The following ACTMAP variants were observed in gnomAD, a reference collection of about 807,000 sequenced individuals.
ACTMAP encodes actin maturation protease, also known as UPF0692 protein C19orf54.
At chr19:40,749,827 A>G in the ACTMAP span, 2 of 1,398,720 alleles carry the variant, frequency 1.4e-6, no homozygotes, top group Admixed American at 6.3e-5. Context: ...GGAGGTGTTG[A>G]GAGGTTCAGA....
the ACTMAP span, among the ~76,000 whole-genome samples, chr19:40,747,797 T>C: frequency 7.2e-5 from 11 of 151,856 alleles, no homozygotes; most frequent in African/African-American, 2.7e-4. Context: ...GCCTGGGAGG[T>C]TGGGGCTGCA....
the ACTMAP span, among the ~76,000 whole-genome samples, chr19:40,748,752 T>C: frequency 6.6e-6 from 1 of 152,198 alleles, no homozygotes; most frequent in Non-Finnish European, 1.5e-5. Flanking sequence ...GAATAGAACA[T>C]GTCCTCATTT....
chr19:40,742,625 C>T, the ACTMAP span: 1 of 1,612,650 alleles, frequency 6.2e-7, no homozygotes, highest in Non-Finnish European at 8.5e-7. Context: ...CCTGCTTGGA[C>T]AGCAGGTAGA....
chr19:40,741,414 G>T, the ACTMAP span: 1 of 231,930 alleles, frequency 4.3e-6, no homozygotes. Context: ...CCGCACTCCA[G>T]CCTGGACGAC....
chr19:40,749,413 C>CA, the ACTMAP span: 1 of 1,430,028 alleles, frequency 7.0e-7, no homozygotes, highest in Non-Finnish European at 9.4e-7. Context: ...AACCCCCCCC[C>CA]CACCCCAAGA....
chr19:40,749,404 A>ACCC, the ACTMAP span: 1,491 of 1,173,264 alleles, frequency 1.3e-3, 1 homozygote, highest in Admixed American at 2.9e-3. Context: ...GGACACGGGA[A>ACCC]CCCCCCCCCC....
chr19:40,747,592 C>T, the ACTMAP span, among the ~76,000 whole-genome samples: 4 of 152,128 alleles, frequency 2.6e-5, no homozygotes, highest in East Asian at 1.9e-4. Context: ...CGGTGGCTAA[C>T]GCCTGTAATT....
the ACTMAP span, chr19:40,749,668 A>G: frequency 4.5e-6 from 7 of 1,539,690 alleles, no homozygotes; most frequent in Admixed American, 1.1e-4. Context: ...TGCTGACTCC[A>G]GGGAGGGGAT....
At chr19:40,743,531 C>T in the ACTMAP span, among the ~76,000 whole-genome samples, 1 of 152,140 alleles carries the variant, frequency 6.6e-6, no homozygotes, top group South Asian at 2.1e-4. Flanking sequence ...CCGCGCCTGG[C>T]CAAGCCTTGT....
the ACTMAP span, among the ~76,000 whole-genome samples, chr19:40,747,724 G>A: frequency 6.6e-6 from 1 of 151,966 alleles, no homozygotes; most frequent in African/African-American, 2.4e-5. Flanking sequence ...AAACTAGCCG[G>A]GCATGGTGGC....
chr19:40,749,386 G>C, the ACTMAP span: 1 of 1,281,564 alleles, frequency 7.8e-7, no homozygotes, highest in Non-Finnish European at 1.1e-6. Context: ...CAGCCTGTTT[G>C]ATCTTGAGGA....
At chr19:40,745,471 A>T in the ACTMAP span, among the ~76,000 whole-genome samples, 1 of 152,140 alleles carries the variant, frequency 6.6e-6, no homozygotes, top group Non-Finnish European at 1.5e-5. Context: ...GCACTTTGCA[A>T]CCAGGTTTAT....
At chr19:40,742,807 G>A in the ACTMAP span, 2 of 1,559,416 alleles carry the variant, frequency 1.3e-6, no homozygotes, top group Non-Finnish European at 1.7e-6. Context: ...GGCAGTGACT[G>A]AGCCAGGACC....
At chr19:40,742,518 C>T in the ACTMAP span, 65 of 1,547,266 alleles carry the variant, frequency 4.2e-5, no homozygotes, top group South Asian at 1.6e-4. Context: ...CACGTACACC[C>T]GGCCGTCAGT....
chr19:40,744,159 GC>G, the ACTMAP span: 1 of 1,605,520 alleles, frequency 6.2e-7, no homozygotes, highest in Non-Finnish European at 8.5e-7. Flanking sequence ...TGGCCTGGCA[GC>G]CCAGCACCTC....
the ACTMAP span, among the ~76,000 whole-genome samples, chr19:40,743,544 TA>T: frequency 1.3e-5 from 2 of 152,170 alleles, no homozygotes; most frequent in African/African-American, 4.8e-5. Flanking sequence ...AGCCTTGTTC[TA>T]AGAGTGCTGA....
chr19:40,740,875 T>C, the ACTMAP span: 2 of 398,080 alleles, frequency 5.0e-6, no homozygotes, highest in African/African-American at 4.1e-5. Context: ...GTAGAGCTTT[T>C]TATTTTGCAT....
chr19:40,744,156 G>A, the ACTMAP span: 3 of 1,605,966 alleles, frequency 1.9e-6, no homozygotes, highest in Non-Finnish European at 2.5e-6. Context: ...GCTTGGCCTG[G>A]CAGCCCAGCA....
chr19:40,744,438 C>T, the ACTMAP span: 1 of 1,489,034 alleles, frequency 6.7e-7, no homozygotes, highest in African/African-American at 1.4e-5. Context: ...CTCTACTGGG[C>T]AGTGGGAAGG....
Sources: gnomAD v4.1 joint callset for allele counts (sites outside exome capture counted in the v4.1 genomes callset) on GRCh38, gnomAD v4.1.1 for gene constraint, MANE v1.5 for transcripts, NCBI Gene and HGNC (gene_info 2026-07-23, HGNC 2026-07-21) for gene names.